LRRTM4: variants seen among roughly 807,000 people sequenced by gnomAD.
The protein encoded by LRRTM4 is leucine rich repeat transmembrane neuronal 4, also known as leucine-rich repeat transmembrane neuronal protein 4.
A neutral mutation model predicts 47.6 loss-of-function variants in LRRTM4; 25 were observed. The observed-to-expected ratio is 0.53, with a 90% CI of 0.38 to 0.73. The LOEUF (loss-of-function observed/expected upper bound fraction) is 0.73, where lower values mean the gene tolerates loss of function less well. Ranked by LOEUF, LRRTM4 falls within the 30% of genes least tolerant of loss-of-function variation. LRRTM4 has a pLI of 0.00. For missense variants in LRRTM4, 638 were observed against 713.4 expected (o/e 0.89, Z 1.20); for synonymous variants, 311 against 269.5 (o/e 1.15, Z -1.51).
At chr2:77,491,715 G>T (rs1678170505) in intron 3 of LRRTM4, among the ~76,000 whole-genome samples, 1 of 151,754 alleles carries the variant, frequency 6.6e-6, no homozygotes, top group African/African-American at 2.4e-5. Context: ...ATATATTTTT[G>T]AAGAAGAGGG....
intron 3 of LRRTM4, among the ~76,000 whole-genome samples, chr2:76,812,778 C>A (rs1558670786): frequency 1.5e-5 from 2 of 129,316 alleles, no homozygotes; most frequent in African/African-American, 6.0e-5. Flanking sequence ...CTCCCTCCCC[C>A]TCCTCCTCTC....
chr2:76,867,067 G>C (rs1008445948), intron 3 of LRRTM4, among the ~76,000 whole-genome samples: 2 of 151,980 alleles, frequency 1.3e-5, no homozygotes, highest in South Asian at 2.1e-4. Flanking sequence ...CGTCTGTTAG[G>C]GGGTGGTGGG....
chr2:76,902,553 G>C (rs1234595603), intron 3 of LRRTM4, among the ~76,000 whole-genome samples: 2 of 152,150 alleles, frequency 1.3e-5, no homozygotes, highest in East Asian at 3.9e-4. Context: ...TAGAAATTTG[G>C]GGGATAGAAC....
intron 3 of LRRTM4, among the ~76,000 whole-genome samples, chr2:77,187,053 T>C (rs1038168182): frequency 6.6e-6 from 1 of 152,268 alleles, no homozygotes. Flanking sequence ...ACAAATCTCA[T>C]TTACTGCACA....
At chr2:76,895,685 A>T (rs751781589) in intron 3 of LRRTM4, among the ~76,000 whole-genome samples, 1 of 152,058 alleles carries the variant, frequency 6.6e-6, no homozygotes, top group Non-Finnish European at 1.5e-5. Flanking sequence ...CTGTGCCTTC[A>T]TCACGCCATC....
At position 77,176,106 on chromosome 2, in the gene LRRTM4, T is replaced by C. The variant is rs182985286; in HGVS notation, c.1551+342212A>G. Among the ~76,000 whole-genome samples the C allele has an allele frequency of 3.5e-3, 529 of 152,270 alleles. 1 individual carries two copies. Among genetic ancestry groups the C allele is most frequent in the African/African-American group, 0.012 (497 of 41,534 alleles). ...ACACCGGAGATCCCCTTAATGTGTA[T>C]GAATGCTTGAGGCTTTGTAAATTAG... On this transcript the variant is annotated intron_variant, in intron 3 of 3. Coordinates refer to ENST00000409884, the MANE Select transcript of LRRTM4 (RefSeq NM_001134745.3).
chr2:77,083,103 GATTC>G lies in LRRTM4; in HGVS notation c.1552-334191_1552-334188del, dbSNP rs1452558717. Among the ~76,000 whole-genome samples the G allele has an allele frequency of 7.9e-5, 12 of 152,154 alleles. 1 individual carries two copies. In the South Asian group the frequency reaches 1.2e-3, roughly 16 times the overall value. ...TTTCTGTTTTTAGTAAATATATTCA[GATTC>G]ATTCATTATTATTTTTATGAGCAAA... On this transcript the variant is annotated intron_variant, in intron 3 of 3. Coordinates refer to ENST00000409884, the MANE Select transcript of LRRTM4 (RefSeq NM_001134745.3).
intron 3 of LRRTM4, among the ~76,000 whole-genome samples, chr2:77,077,945 AAG>A (rs1485029596): frequency 8.5e-5 from 13 of 152,154 alleles, no homozygotes; most frequent in East Asian, 1.9e-4. Flanking sequence ...TAAGTGAAGA[AAG>A]AGAGACACAA....
At chr2:76,932,080 C>T (rs1181793132) in intron 3 of LRRTM4, among the ~76,000 whole-genome samples, 2 of 152,188 alleles carry the variant, frequency 1.3e-5, no homozygotes, top group African/African-American at 4.8e-5. Context: ...GCCCTTTCAA[C>T]GTGAATTTTA....
intron 3 of LRRTM4, among the ~76,000 whole-genome samples, chr2:76,906,293 T>G (rs564465229): frequency 2.0e-5 from 3 of 152,006 alleles, no homozygotes; most frequent in African/African-American, 7.2e-5. Context: ...GACAAGCAAA[T>G]GCTCAGAGAT....
intron 3 of LRRTM4, among the ~76,000 whole-genome samples, chr2:77,250,824 C>A (rs1276812154): frequency 6.6e-6 from 1 of 152,088 alleles, no homozygotes; most frequent in Non-Finnish European, 1.5e-5. Flanking sequence ...AAAGTAGCAG[C>A]CGGGCGTGAT....
At position 76,782,365 on chromosome 2, in the gene LRRTM4, T is replaced by A. The variant is rs149805010; in HGVS notation, c.1552-33449A>T. ...CTTTTTCTTGTAATTTTATGACTTT[T>A]CTTTGCTTGGGAGAAGTTCCAGTAT... On this transcript the variant is annotated intron_variant, in intron 3 of 3. Coordinates refer to ENST00000409884, the MANE Select transcript of LRRTM4 (RefSeq NM_001134745.3). Among the ~76,000 whole-genome samples the A allele has an allele frequency of 4.4e-3, 677 of 152,332 alleles. 6 individuals carry two copies. Among genetic ancestry groups the A allele is most frequent in the African/African-American group, 0.016 (647 of 41,584 alleles).
At chr2:76,919,676 C>T (rs571481541) in intron 3 of LRRTM4, among the ~76,000 whole-genome samples, 27 of 152,092 alleles carry the variant, frequency 1.8e-4, no homozygotes, top group Admixed American at 2.6e-4. Context: ...AATGGCTTTA[C>T]GTGAAATATA....
chr2:76,791,345 CATGTAGAT>C (rs990219730), intron 3 of LRRTM4, among the ~76,000 whole-genome samples: 1 of 151,546 alleles, frequency 6.6e-6, no homozygotes, highest in African/African-American at 2.4e-5. Flanking sequence ...CCAACATTCC[CATGTAGAT>C]TTGTAGATTT....
At chr2:77,335,948 C>G (rs1671145685) in intron 3 of LRRTM4, among the ~76,000 whole-genome samples, 1 of 152,074 alleles carries the variant, frequency 6.6e-6, no homozygotes, top group Non-Finnish European at 1.5e-5. Context: ...ACAATAGCAA[C>G]TGTACACAAT....
intron 3 of LRRTM4, among the ~76,000 whole-genome samples, chr2:77,427,064 C>T (rs780207015): frequency 3.3e-5 from 5 of 151,596 alleles, no homozygotes; most frequent in South Asian, 4.2e-4. Flanking sequence ...CTGCAACCTC[C>T]GCCTCCTGGG....
At chr2:76,774,805 G>C (rs567027508) in intron 3 of LRRTM4, among the ~76,000 whole-genome samples, 3 of 152,190 alleles carry the variant, frequency 2.0e-5, no homozygotes, top group Admixed American at 2.0e-4. Context: ...CAATATTTTT[G>C]CCACTGTTTG....
intron 3 of LRRTM4, among the ~76,000 whole-genome samples, chr2:76,997,321 T>C (rs1332445994): frequency 6.7e-6 from 1 of 149,996 alleles, no homozygotes; most frequent in African/African-American, 2.5e-5. Flanking sequence ...AATATGTTGG[T>C]GTACCTACCA....
chr2:77,161,397 C>A (rs1485673878), intron 3 of LRRTM4, among the ~76,000 whole-genome samples: 1 of 152,144 alleles, frequency 6.6e-6, no homozygotes, highest in Non-Finnish European at 1.5e-5. Flanking sequence ...TAAAACCCAG[C>A]TTCTGATGCC....
Sources: allele counts gnomAD v4.1 joint callset (sites outside exome capture counted in the v4.1 genomes callset), GRCh38; gene constraint gnomAD v4.1.1; transcripts MANE v1.5; gene names NCBI Gene and HGNC (gene_info 2026-07-23, HGNC 2026-07-21).